The following C10orf67 variants were observed in gnomAD, a reference collection of about 807,000 sequenced individuals.
The protein encoded by C10orf67 is chromosome 10 open reading frame 67, also known as uncharacterized protein C10orf67, mitochondrial.
A neutral mutation model predicts 35.6 loss-of-function variants in C10orf67; 60 were observed. That is an observed-to-expected ratio of 1.68 (90% CI 1.37 to 2.09). The LOEUF (loss-of-function observed/expected upper bound fraction) is 2.09. C10orf67 is among the 30% of genes most tolerant of loss of function. The pLI, the probability that C10orf67 is intolerant of heterozygous loss-of-function variation, is 0.00. For synonymous variants in C10orf67, 167 were observed against 115.8 expected (o/e 1.44, Z -2.84); for missense variants, 474 against 330.2 (o/e 1.44, Z -3.38).
At chr10:23,308,732 T>G (rs1282427102) in intron 4 of C10orf67, among the ~76,000 whole-genome samples, 1 of 152,166 alleles carries the variant, frequency 6.6e-6, no homozygotes, top group Non-Finnish European at 1.5e-5. Context: ...AGTGTCTCAG[T>G]GTTATCATTT....
chr10:23,210,421 A>AT (rs915603621), intron 15 of C10orf67, among the ~76,000 whole-genome samples: 21 of 151,448 alleles, frequency 1.4e-4, no homozygotes, highest in East Asian at 3.9e-4. Context: ...CTCAGACTCA[A>AT]TTTTTTTTTC....
chr10:23,322,421 G>A lies in C10orf67; in HGVS notation c.444C>T (p.Ile148=), dbSNP rs1428541968. ...LSLFTILHDR[I]LEIEKHYQQN... is the part of the protein sequence containing the mutation. Reference sequence around the variant, plus strand: ...GTTGATAATGCTTTTCAATTTCTAGGATCCTGTCATGCAGAATGGTGAAGA... The same window carrying A: ...GTTGATAATGCTTTTCAATTTCTAGAATCCTGTCATGCAGAATGGTGAAGA... Residue 148 remains isoleucine, a synonymous_variant, in exon 3 of 16, where the codon ATC becomes ATT. Coordinates refer to ENST00000636213, the MANE Select transcript of C10orf67 (RefSeq NM_001371909.1). 6.2e-6 allele frequency: 10 copies of A among 1,609,026 alleles called. No individual in the cohort carries two copies. The highest frequency in any genetic ancestry group is 2.2e-5 in the South Asian group (2 of 90,776).
chr10:23,332,969 A>T (rs982871737), intron 2 of C10orf67, 93 bp downstream of exon 2: 24 of 1,300,778 alleles, frequency 1.8e-5, no homozygotes, highest in Non-Finnish European at 2.4e-5. Flanking sequence ...CATTTTAAAA[A>T]TTTTAATTAT....
chr10:23,240,628 C>T (rs371327785), intron 12 of C10orf67, among the ~76,000 whole-genome samples: 22 of 152,292 alleles, frequency 1.4e-4, no homozygotes, highest in African/African-American at 5.1e-4. Context: ...GTCAGGAAGA[C>T]GTACTCTGTA....
chr10:23,236,375 T>G (rs1427741482), intron 13 of C10orf67, among the ~76,000 whole-genome samples: 1 of 149,090 alleles, frequency 6.7e-6, no homozygotes, highest in Non-Finnish European at 1.5e-5. Flanking sequence ...GAAGTTGCAG[T>G]GAGACGAGAT....
At chr10:23,278,587 G>A (rs1367064999) in intron 8 of C10orf67, among the ~76,000 whole-genome samples, 1 of 152,154 alleles carries the variant, frequency 6.6e-6, no homozygotes, top group Admixed American at 6.5e-5. Context: ...AATGTGATGA[G>A]AGCCACAAGA....
intron 5 of C10orf67, among the ~76,000 whole-genome samples, chr10:23,292,946 C>A (rs1843765677): frequency 6.6e-6 from 1 of 151,480 alleles, no homozygotes; most frequent in African/African-American, 2.4e-5. Flanking sequence ...TTTCTTGTCC[C>A]ACATTGTTCA....
chr10:23,336,988 A>G (rs527649388), intron 1 of C10orf67, among the ~76,000 whole-genome samples: 2 of 152,352 alleles, frequency 1.3e-5, no homozygotes, highest in African/African-American at 4.8e-5. Context: ...AGATGATGGG[A>G]AAATGTAAAA....
At chr10:23,319,067 C>T (rs192162347) in intron 4 of C10orf67, 51 of 648,596 alleles carry the variant, frequency 7.9e-5, no homozygotes, top group African/African-American at 4.2e-4. Flanking sequence ...GTAAATTGCA[C>T]GTCACAGGGT....
At chr10:23,253,173 T>A (rs1194552814) in intron 10 of C10orf67, among the ~76,000 whole-genome samples, 1 of 152,154 alleles carries the variant, frequency 6.6e-6, no homozygotes, top group Non-Finnish European at 1.5e-5. Context: ...ATCAGTGATG[T>A]GAAAAGAGAC....
intron 5 of C10orf67, among the ~76,000 whole-genome samples, chr10:23,291,570 C>T (rs1051177220): frequency 2.6e-5 from 4 of 152,074 alleles, no homozygotes; most frequent in African/African-American, 4.8e-5. Flanking sequence ...AGGCTGTGTC[C>T]GGGGAGGCAG....
Position 23,344,706 on chromosome 10 carries a change from A to G in C10orf67, c.69T>C (p.Phe23=). 6.4e-7 allele frequency: 1 copy of G among 1,574,234 alleles called. No individual in the cohort carries two copies. Among genetic ancestry groups the G allele is most frequent in the Non-Finnish European group, 8.6e-7 (1 of 1,160,182 alleles). Residue 23 remains phenylalanine (F), a synonymous_variant, in exon 1 of 16, where the codon TTT becomes TTC. Coordinates refer to ENST00000636213, the MANE Select transcript of C10orf67 (RefSeq NM_001371909.1). ...MSIVIRWVHC[F]SSSLRGTFGT... is the part of the protein sequence containing the mutation. ...CAAAGGTCCCCCTCAAGGAGGAGGA[A>G]AAGCAGTGAACCCATCTAATAACTA...
chr10:23,340,347 TA>T lies in C10orf67; in HGVS notation c.206+4221del, dbSNP rs1185138623. On this transcript the variant is annotated intron_variant, in intron 1 of 15. Coordinates refer to ENST00000636213, the MANE Select transcript of C10orf67 (RefSeq NM_001371909.1). ...TGGTGAAGCCCTGTCTCTACAAAAA[TA>T]CAAAAAAAAAAAAAAAAAAAAATTA... Among the ~76,000 whole-genome samples, 5 of 11,414 alleles carry T rather than the reference TA, an allele frequency of 4.4e-4. No individual in the cohort carries two copies. The East Asian group carries it at 0.014, about 32-fold the overall frequency. 7.5% of individuals were successfully genotyped at this position (11,414 alleles called of 152,430 possible).
intron 1 of C10orf67, among the ~76,000 whole-genome samples, chr10:23,337,296 G>A (rs927158267): frequency 6.6e-6 from 1 of 152,198 alleles, no homozygotes; most frequent in Non-Finnish European, 1.5e-5. Flanking sequence ...CACTTTGGGA[G>A]GCTGAGGTGG....
At chr10:23,307,700 G>A (rs1026155148) in intron 4 of C10orf67, among the ~76,000 whole-genome samples, 1 of 150,792 alleles carries the variant, frequency 6.6e-6, no homozygotes, top group Non-Finnish European at 1.5e-5. Flanking sequence ...CGCTTTCTGG[G>A]CTCAAGTGAT....
At chr10:23,272,442 G>A (rs574820311) in intron 8 of C10orf67, among the ~76,000 whole-genome samples, 1 of 152,156 alleles carries the variant, frequency 6.6e-6, no homozygotes, top group Admixed American at 6.5e-5. Context: ...TTGTTGAAAA[G>A]ATTATCCTTA....
At chr10:23,210,447 TC>T (rs1841945791) in intron 15 of C10orf67, among the ~76,000 whole-genome samples, 1 of 151,934 alleles carries the variant, frequency 6.6e-6, no homozygotes, top group Admixed American at 6.6e-5. Flanking sequence ...TGAGATGAAG[TC>T]TTGCCCTGTC....
chr10:23,328,684 T>C (rs75077926), intron 2 of C10orf67, among the ~76,000 whole-genome samples: 1 of 91,740 alleles, frequency 1.1e-5, no homozygotes, highest in East Asian at 6.4e-4. Context: ...ACTCAAGAGA[T>C]TAAAAAAAAA....
At chr10:23,337,275 T>G (rs992631734) in intron 1 of C10orf67, among the ~76,000 whole-genome samples, 1 of 152,244 alleles carries the variant, frequency 6.6e-6, no homozygotes, top group Non-Finnish European at 1.5e-5. Flanking sequence ...GGCTCACACC[T>G]GTAACCTCAG....
Sources: allele counts gnomAD v4.1 joint callset (sites outside exome capture counted in the v4.1 genomes callset), GRCh38; gene constraint gnomAD v4.1.1; transcripts MANE v1.5; gene names NCBI Gene and HGNC (gene_info 2026-07-23, HGNC 2026-07-21).